The following NBEA variants were observed in gnomAD, a reference collection of about 807,000 sequenced individuals.
NBEA encodes the protein lysosomal-trafficking regulator 2.
In NBEA, 44 loss-of-function variants were observed where a neutral mutation model predicts 343.4. That is an observed-to-expected ratio of 0.13 (90% CI 0.10 to 0.16). The LOEUF is 0.16. NBEA is among the 10% of genes least tolerant of loss of function. The pLI is 1.00. For synonymous variants in NBEA, 1,175 were observed against 1,238.7 expected, an observed-to-expected ratio of 0.95 and a Z score of 1.08; for missense variants, 2,555 against 3,631.3, an observed-to-expected ratio of 0.70 and a Z score of 7.62.
intron 24 of NBEA, among the ~76,000 whole-genome samples, chr13:35,164,754 A>G (rs1324120964): frequency 6.6e-6 from 1 of 152,184 alleles, no homozygotes; most frequent in Non-Finnish European, 1.5e-5. Flanking sequence ...TGCATTCTTC[A>G]TCAAAGATAT....
At chr13:35,584,155 T>G (rs1293206235) in intron 46 of NBEA, 117 bp downstream of exon 46, 2 of 1,081,054 alleles carry the variant, frequency 1.9e-6, no homozygotes, top group Non-Finnish European at 2.8e-6. Flanking sequence ...ACGAGTGAAG[T>G]AGAAATTAAA....
intron 55 of NBEA, among the ~76,000 whole-genome samples, chr13:35,661,809 G>A (rs2085103516): frequency 6.6e-6 from 1 of 152,086 alleles, no homozygotes; most frequent in South Asian, 2.1e-4. Context: ...TTTTATCTAA[G>A]TATAAACATG....
At chr13:35,411,734 G>A (rs1293321025) in intron 38 of NBEA, among the ~76,000 whole-genome samples, 1 of 151,988 alleles carries the variant, frequency 6.6e-6, no homozygotes, top group Non-Finnish European at 1.5e-5. Flanking sequence ...TTGGGCTCAA[G>A]CAATCCTCCC....
intron 41 of NBEA, among the ~76,000 whole-genome samples, chr13:35,482,645 C>G (rs1357953655): frequency 6.7e-6 from 1 of 150,256 alleles, no homozygotes; most frequent in Non-Finnish European, 1.5e-5. Flanking sequence ...AAGTGGGAAC[C>G]TAGTGAAATA....
At chr13:35,075,632 C>G (rs1209224099) in intron 10 of NBEA, among the ~76,000 whole-genome samples, 1 of 152,142 alleles carries the variant, frequency 6.6e-6, no homozygotes, top group Middle Eastern at 3.4e-3. Context: ...ATATTTATGA[C>G]TCATTAGTTT....
intron 49 of NBEA, among the ~76,000 whole-genome samples, chr13:35,634,274 CG>C (rs917806295): frequency 2.0e-4 from 30 of 152,130 alleles, no homozygotes; most frequent in African/African-American, 6.7e-4. Flanking sequence ...ACCCGGGAGG[CG>C]CAGCTTGTAG....
chr13:35,327,484 G>A (rs186302312), intron 36 of NBEA, among the ~76,000 whole-genome samples: 7 of 152,134 alleles, frequency 4.6e-5, no homozygotes, highest in South Asian at 2.1e-4. Context: ...CAGCAATATC[G>A]ATGTAGCTAG....
chr13:35,239,584 G>A (rs1325687250), intron 34 of NBEA, among the ~76,000 whole-genome samples: 1 of 152,072 alleles, frequency 6.6e-6, no homozygotes, highest in East Asian at 1.9e-4. Context: ...ATATAAAATA[G>A]GAGAGTTTAA....
At position 35,400,621 on chromosome 13, in the gene NBEA, T is replaced by G. The variant is rs189939116; in HGVS notation, c.6180-31648T>G. ...AAATACTTTAAGCAAGCCTGGGAGCTCTATAAAATCTGATTCAACCCTCCC... is the reference window on the plus strand; with the variant it reads ...AAATACTTTAAGCAAGCCTGGGAGCGCTATAAAATCTGATTCAACCCTCCC... On this transcript the variant is annotated intron_variant, in intron 38 of 58. Transcript: ENST00000379939. Among the ~76,000 whole-genome samples, 1,165 of 152,072 alleles carry G rather than the reference T, an allele frequency of 7.7e-3. 3 individuals are homozygous for G. The highest frequency in any genetic ancestry group is 0.013 in the Non-Finnish European group (905 of 67,962).
intron 18 of NBEA, among the ~76,000 whole-genome samples, chr13:35,149,187 A>G (rs1365834882): frequency 1.3e-5 from 2 of 152,082 alleles, no homozygotes; most frequent in African/African-American, 4.8e-5. Context: ...TATTGTTTCA[A>G]TATTTGGCAT....
At chr13:35,388,945 AC>A (rs80077426) in intron 38 of NBEA, among the ~76,000 whole-genome samples, 18,929 of 151,686 alleles carry the variant, frequency 0.12, 1,333 homozygotes, top group African/African-American at 0.19. Context: ...GGAAACCCCT[AC>A]CTATATTTCT....
intron 36 of NBEA, among the ~76,000 whole-genome samples, 181 bp from the exon 37 acceptor site, chr13:35,348,927 G>A (rs1323063832): frequency 1.3e-5 from 2 of 151,934 alleles, no homozygotes; most frequent in African/African-American, 4.8e-5. Flanking sequence ...TGGTGCAACA[G>A]TTTTATGACA....
At chr13:35,427,201 G>A (rs2044743179) in intron 38 of NBEA, among the ~76,000 whole-genome samples, 1 of 152,196 alleles carries the variant, frequency 6.6e-6, no homozygotes, top group Non-Finnish European at 1.5e-5. Context: ...TGGAGGAGGA[G>A]AGGCACTCTG....
At chr13:35,444,830 T>G (rs2045912902) in intron 39 of NBEA, among the ~76,000 whole-genome samples, 1 of 152,240 alleles carries the variant, frequency 6.6e-6, no homozygotes, top group African/African-American at 2.4e-5. Flanking sequence ...TCAAATACAT[T>G]GGTGCTTTAT....
intron 1 of NBEA, among the ~76,000 whole-genome samples, chr13:34,970,969 T>C (rs1382173307): frequency 6.6e-6 from 1 of 152,230 alleles, no homozygotes; most frequent in African/African-American, 2.4e-5. Context: ...TTGGGCAGTA[T>C]GGTCATTTTA....
intron 17 of NBEA, among the ~76,000 whole-genome samples, chr13:35,129,738 A>G (rs1284688830): frequency 6.6e-6 from 1 of 152,112 alleles, no homozygotes; most frequent in East Asian, 1.9e-4. Context: ...AAATTGATGA[A>G]AGACCTGATT....
At chr13:35,484,012 A>G (rs2076214446) in intron 41 of NBEA, among the ~76,000 whole-genome samples, 1 of 152,034 alleles carries the variant, frequency 6.6e-6, no homozygotes, top group Admixed American at 6.6e-5. Context: ...CCACATCCAC[A>G]AGTTTGTCTC....
At chr13:35,109,540 G>T (rs999046312) in intron 12 of NBEA, 98 bp downstream of exon 12, 18 of 1,163,270 alleles carry the variant, frequency 1.5e-5, no homozygotes, top group Admixed American at 1.1e-4. Flanking sequence ...GAACATTTTA[G>T]CTTATTTTAT....
At chr13:35,011,768 A>G (rs1308718753) in intron 1 of NBEA, among the ~76,000 whole-genome samples, 1 of 152,174 alleles carries the variant, frequency 6.6e-6, no homozygotes, top group Non-Finnish European at 1.5e-5. Flanking sequence ...GGGAATATTC[A>G]TTTTAGGCTA....
Sources: gnomAD v4.1 joint callset for allele counts (sites outside exome capture counted in the v4.1 genomes callset) on GRCh38, gnomAD v4.1.1 for gene constraint, MANE v1.5 for transcripts, NCBI Gene and HGNC (gene_info 2026-07-23, HGNC 2026-07-21) for gene names.